DST: variants seen among roughly 807,000 people sequenced by gnomAD.
DST encodes dystonin.
DST carries 253 observed loss-of-function variants against 875.2 expected under a neutral mutation model. The ratio of observed to expected loss-of-function variants is 0.29; its 90% CI spans 0.26 to 0.32. DST has a LOEUF of 0.32. Ranked by LOEUF, DST falls within the 10% of genes least tolerant of loss-of-function variation. The pLI, the probability that DST is intolerant of heterozygous loss-of-function variation, is 1.00. For missense variants in DST, 8,287 were observed against 9,111.6 expected (o/e 0.91, Z 3.68); for synonymous variants, 3,124 against 3,197.1 (o/e 0.98, Z 0.77).
At chr6:56,628,549 A>T (rs988145619) in intron 32 of DST, among the ~76,000 whole-genome samples, 4 of 152,224 alleles carry the variant, frequency 2.6e-5, no homozygotes, top group African/African-American at 9.6e-5. Context: ...TGAATGGTTC[A>T]ACATGGTCTC....
chr6:56,812,109 AAAAAGAAAAGAAAAGAAAAG>A lies in DST; in HGVS notation c.625+39268_625+39287del, dbSNP rs745473203. On this transcript the variant is annotated intron_variant, in intron 4 of 103. Transcript: ENST00000680361. Reference sequence around the variant, plus strand: ...AGAAAGAGACTCTGACTCAAAAAAAAAAAAGAAAAGAAAAGAAAAGAAAAGAAAAGAAAAGAAAAGAAAAA... The same window carrying A: ...AGAAAGAGACTCTGACTCAAAAAAAAAAAAGAAAAGAAAAGAAAAGAAAAA... 1.3e-3 allele frequency among the ~76,000 whole-genome samples: 149 copies of A among 111,822 alleles called. 1 individual carries two copies. Among genetic ancestry groups the A allele is most frequent in the African/African-American group, 4.9e-3 (147 of 29,984 alleles). 73.4% of individuals were successfully genotyped at this position (111,822 alleles called of 152,430 possible).
intron 9 of DST, among the ~76,000 whole-genome samples, chr6:56,681,898 A>G (rs1175833204): frequency 1.3e-5 from 2 of 152,222 alleles, no homozygotes; most frequent in Admixed American, 1.3e-4. Flanking sequence ...GTGGACATGC[A>G]GCCCCCAACC....
intron 10 of DST, among the ~76,000 whole-genome samples, chr6:56,662,120 A>T (rs2099046453): frequency 6.6e-6 from 1 of 152,242 alleles, no homozygotes; most frequent in Non-Finnish European, 1.5e-5. Context: ...AGTGGGGCTT[A>T]GACCTGCTAA....
chr6:56,561,440 C>T lies in DST; in HGVS notation c.14178G>A (p.Leu4726=). 3 of 1,613,808 alleles carry T rather than the reference C, an allele frequency of 1.9e-6. No individual in the cohort carries two copies. The highest frequency in any genetic ancestry group is 2.5e-6 in the Non-Finnish European group (3 of 1,179,804). Residue 4726 remains leucine (L), a synonymous_variant, in exon 57 of 104, where the codon TTG becomes TTA. Transcript: ENST00000680361. ...IAELNTKLSK[L]QKAQEESSAM... Reference sequence around the variant, plus strand: ...CACTTGATTCTTCCTGAGCCTTTTGCAATTTGGAGAGTTTAGTGTTCAGTT... The same window carrying T: ...CACTTGATTCTTCCTGAGCCTTTTGTAATTTGGAGAGTTTAGTGTTCAGTT...
intron 80 of DST, among the ~76,000 whole-genome samples, chr6:56,500,128 ATACAGTGCTAAAAACC>A (rs1225478597): frequency 6.6e-6 from 1 of 152,144 alleles, no homozygotes; most frequent in Non-Finnish European, 1.5e-5. Flanking sequence ...ACTGTACAGC[ATACAGTGCTAAAAACC>A]TACCTTTTTA....
chr6:56,736,899 T>G (rs997931306), intron 4 of DST, among the ~76,000 whole-genome samples: 2 of 152,094 alleles, frequency 1.3e-5, no homozygotes, highest in Admixed American at 6.5e-5. Flanking sequence ...AAGGGTCAGG[T>G]GTGGTGGCTT....
intron 4 of DST, among the ~76,000 whole-genome samples, chr6:56,841,358 A>T (rs1414058267): frequency 6.6e-6 from 1 of 152,214 alleles, no homozygotes. Flanking sequence ...CATTTTAAAA[A>T]CCTTAAGTAA....
chr6:56,835,382 T>C (rs1035145143), intron 4 of DST, among the ~76,000 whole-genome samples: 2 of 152,216 alleles, frequency 1.3e-5, no homozygotes, highest in Non-Finnish European at 2.9e-5. Flanking sequence ...TTATCAATAT[T>C]GGTTCATCAA....
intron 71 of DST, among the ~76,000 whole-genome samples, chr6:56,516,160 AG>A (rs764842516): frequency 0.28 from 38,106 of 134,672 alleles, 6,367 homozygotes; most frequent in East Asian, 0.52. Context: ...AGAGAAAGAG[AG>A]AAAGAGAAAG....
At chr6:56,698,328 A>T (rs1017142063) in intron 9 of DST, among the ~76,000 whole-genome samples, 45 of 151,240 alleles carry the variant, frequency 3.0e-4, no homozygotes, top group Middle Eastern at 3.4e-3. Flanking sequence ...AAAAAAAAAA[A>T]ATTTTTTTTT....
At chr6:56,693,884 TC>T (rs1001203385) in intron 9 of DST, among the ~76,000 whole-genome samples, 41 of 152,012 alleles carry the variant, frequency 2.7e-4, no homozygotes, top group African/African-American at 9.9e-4. Flanking sequence ...CTAAAAAAAA[TC>T]AATCTTTTAA....
chr6:56,558,390 C>T (rs1181910863), intron 58 of DST, among the ~76,000 whole-genome samples: 1 of 152,106 alleles, frequency 6.6e-6, no homozygotes, highest in Non-Finnish European at 1.5e-5. Flanking sequence ...CATTAAGAAT[C>T]ACCTGGAGGC....
rs182210240 is a variant in DST, at chr6:56,651,864, G to A, written c.1215-620C>T. ...CCTTGCCCTATTAATTCACTGGTTC[G>A]TGTACATGTATATGTTGTTTCTCCC... is the stretch of plus-strand genomic sequence containing the variant. On this transcript the variant is annotated intron_variant, in intron 10 of 103. Transcript: ENST00000680361. Among the ~76,000 whole-genome samples the A allele has an allele frequency of 7.9e-5, 12 of 152,190 alleles. No homozygotes were observed. In the East Asian group the frequency reaches 1.3e-3, roughly 17 times the overall value.
At chr6:56,767,827 A>G (rs567128512) in intron 4 of DST, among the ~76,000 whole-genome samples, 32 of 152,150 alleles carry the variant, frequency 2.1e-4, no homozygotes, top group African/African-American at 7.7e-4. Context: ...ATAAGACTTA[A>G]AAGAGATGAA....
chr6:56,492,134 C>T (rs973880848), intron 85 of DST, 93 bp downstream of exon 85: 2 of 1,131,958 alleles, frequency 1.8e-6, no homozygotes, highest in African/African-American at 1.5e-5. Context: ...ATGCCTAATA[C>T]AGCCTGTGAT....
chr6:56,499,021 T>C (rs1211589451), intron 80 of DST, among the ~76,000 whole-genome samples: 1 of 152,172 alleles, frequency 6.6e-6, no homozygotes, highest in Non-Finnish European at 1.5e-5. Context: ...GGTTTAAAAA[T>C]ATCAATTTCT....
chr6:56,639,969 T>G lies in DST; in HGVS notation c.2579A>C (p.Glu860Ala). 1 of 1,613,604 alleles carries G rather than the reference T, an allele frequency of 6.2e-7. No homozygotes were observed. Among genetic ancestry groups the G allele is most frequent in the Non-Finnish European group, 8.5e-7 (1 of 1,179,712 alleles). Residue 860 changes from glutamate to alanine, a missense_variant, in exon 19 of 104, where the codon GAA (glutamate) becomes GCA (alanine). Physicochemically the swap from Glu to Ala is moderately radical, Grantham distance 107. Around this residue, in one of 10 missense-constraint regions of DST, gnomAD observed 1,160 missense variants for 1,424.3 expected, o/e 0.81. Coordinates refer to ENST00000680361, the MANE Select transcript of DST (RefSeq NM_001374736.1). The part of the protein sequence containing the change: ...ENHKNVHRAI[E>A]EFESSLKEAK... Reference sequence around the variant, plus strand: ...TTCTTTGAGACTAGATTCAAATTCTTCAATAGCTCTATGAACATTTTTATG... The same window carrying G: ...TTCTTTGAGACTAGATTCAAATTCTGCAATAGCTCTATGAACATTTTTATG...
At position 56,517,563 on chromosome 6, in the gene DST, T is replaced by C. The variant is rs1030937243; in HGVS notation, c.18187A>G (p.Met6063Val). Reference sequence around the variant, plus strand: ...TCAAGCCTGATGTCACCCAGAGACATCAATTTTTTTTCTGTTTCAGTAATC... The same window carrying C: ...TCAAGCCTGATGTCACCCAGAGACACCAATTTTTTTTCTGTTTCAGTAATC... ...SWITETEKKL[M>V]SLGDIRLEQD... The change falls in exon 70 of 104, where the codon ATG becomes GTG. Residue 6063 changes from methionine to valine, a missense_variant. By Grantham distance (21) the Met-to-Val change is conservative. Around this residue, in one of 10 missense-constraint regions of DST, gnomAD observed 777 missense variants for 764.8 expected, o/e 1.02. Transcript: ENST00000680361. The C allele has an allele frequency of 1.9e-6, 3 of 1,613,324 alleles. No individual in the cohort carries two copies. Among genetic ancestry groups the C allele is most frequent in the Non-Finnish European group, 2.5e-6 (3 of 1,179,626 alleles).
At position 56,630,343 on chromosome 6, in the gene DST, C is replaced by A. The variant is rs772264796; in HGVS notation, c.4183G>T (p.Ala1395Ser). ...VNLVLKNTQA[A>S]EALVKLYETK... ...TCATAGAGTTTTACGAGGGCTTCTG[C>A]AGCTTGAGTGTTTTTTAACACCAAG... The change falls in exon 31 of 104, where the codon GCA becomes TCA. Residue 1395 changes from alanine (A) to serine (S), a missense_variant. Physicochemically the swap from Ala to Ser is moderately conservative, Grantham distance 99. Transcript: ENST00000680361. The A allele has an allele frequency of 3.1e-6, 5 of 1,612,810 alleles. No homozygotes were observed. Among genetic ancestry groups the A allele is most frequent in the Non-Finnish European group, 3.4e-6 (4 of 1,179,840 alleles).
Sources: allele counts gnomAD v4.1 joint callset (sites outside exome capture counted in the v4.1 genomes callset), GRCh38; gene constraint gnomAD v4.1.1; regional missense constraint gnomAD v4.1.1; transcripts MANE v1.5; gene names NCBI Gene and HGNC (gene_info 2026-07-23, HGNC 2026-07-21).